The following PDE8A variants were observed in gnomAD, a reference collection of about 807,000 sequenced individuals.
PDE8A encodes high affinity cAMP-specific and IBMX-insensitive 3',5'-cyclic phosphodiesterase 8A.
In PDE8A, 59 loss-of-function variants were observed where a neutral mutation model predicts 105.0. That is an observed-to-expected ratio of 0.56 (90% CI 0.46 to 0.70). PDE8A has a LOEUF of 0.70. Among genes scored for constraint, PDE8A ranks in the 30% least tolerant of loss-of-function variants. The pLI is 0.00. For missense variants in PDE8A, 1,014 were observed against 1,045.9 expected (o/e 0.97, Z 0.42); for synonymous variants, 355 against 371.9 (o/e 0.95, Z 0.52).
chr15:85,100,831 A>T (rs1567285600), intron 11 of PDE8A, among the ~76,000 whole-genome samples: 1 of 152,206 alleles, frequency 6.6e-6, no homozygotes, highest in East Asian at 1.9e-4. Flanking sequence ...GTCTGTGTAG[A>T]CACTTGGCGT....
chr15:85,022,751 C>T (rs1171334980), intron 1 of PDE8A, among the ~76,000 whole-genome samples: 2 of 151,800 alleles, frequency 1.3e-5, no homozygotes, highest in Non-Finnish European at 2.9e-5. Flanking sequence ...CAGGGTTTCA[C>T]CATGTTGGCC....
intron 1 of PDE8A, among the ~76,000 whole-genome samples, chr15:85,043,256 G>A (rs1054575995): frequency 2.6e-5 from 4 of 152,218 alleles, no homozygotes; most frequent in Non-Finnish European, 5.9e-5. Context: ...TTAGAAGGGA[G>A]TTAAATAAAT....
chr15:85,137,826 C>T lies in PDE8A; in HGVS notation c.2413C>T (p.His805Tyr). The stretch of plus-strand genomic sequence containing the variant: ...TGTAGACCTGCCTGATTTAATGCAG[C>T]ATCTTGACAACAACTTTAAATACTG... ...AFVDLPDLMQ[H>Y]LDNNFKYWKG... The change falls in exon 22 of 22, where the codon CAT becomes TAT. Residue 805 changes from histidine (H) to tyrosine (Y), a missense_variant. Physicochemically the swap from His to Tyr is moderately conservative, Grantham distance 83. Coordinates refer to ENST00000394553, the MANE Select transcript of PDE8A (RefSeq NM_002605.3). The T allele has an allele frequency of 6.2e-7, 1 of 1,612,836 alleles. No homozygotes were observed. Among genetic ancestry groups the T allele is most frequent in the Non-Finnish European group, 8.5e-7 (1 of 1,178,804 alleles).
intron 1 of PDE8A, among the ~76,000 whole-genome samples, chr15:85,016,671 T>C (rs2080329783): frequency 6.6e-6 from 1 of 152,248 alleles, no homozygotes; most frequent in Admixed American, 6.5e-5. Context: ...AATTAGCTTG[T>C]CTAGCTGTGG....
At chr15:85,116,377 G>T in intron 16 of PDE8A, 1 of 456,618 alleles carries the variant, frequency 2.2e-6, no homozygotes, top group Non-Finnish European at 3.9e-6. Flanking sequence ...TTTTTTCTGT[G>T]AAATAAAGGT....
At chr15:85,134,543 A>C (rs201179004) in intron 20 of PDE8A, among the ~76,000 whole-genome samples, 1 of 42,986 alleles carries the variant, frequency 2.3e-5, no homozygotes, top group Non-Finnish European at 3.7e-5. Context: ...AGCGTTCCCC[A>C]CTCCTCTTAC....
intron 12 of PDE8A, among the ~76,000 whole-genome samples, chr15:85,111,448 G>A (rs775913849): frequency 2.6e-5 from 4 of 152,072 alleles, no homozygotes; most frequent in Non-Finnish European, 4.4e-5. Flanking sequence ...AATCCAACTC[G>A]TCTATCACCA....
chr15:85,030,699 C>A (rs543147446), intron 1 of PDE8A, among the ~76,000 whole-genome samples: 1 of 105,246 alleles, frequency 9.5e-6, no homozygotes, highest in East Asian at 2.9e-4. Context: ...TTCACACTTC[C>A]ATGCCTTTTT....
chr15:85,120,937 G>T lies in PDE8A; in HGVS notation c.1875G>T (p.Leu625=), dbSNP rs745876388. The T allele has an allele frequency of 6.8e-6, 11 of 1,613,992 alleles. No individual in the cohort carries two copies. The highest frequency in any genetic ancestry group is 9.3e-6 in the Non-Finnish European group (11 of 1,179,986). ...TTTTGTACAATGACACTGCTGTGCT[G>T]GAGAGCCACCATGCGGCCTTGGCCT... ...LAILYNDTAV[L]ESHHAALAFQ... Residue 625 remains leucine, a synonymous_variant, in exon 18 of 22, where the codon CTG becomes CTT. Coordinates refer to ENST00000394553, the MANE Select transcript of PDE8A (RefSeq NM_002605.3).
chr15:85,085,703 A>AT (rs377361939), intron 6 of PDE8A, among the ~76,000 whole-genome samples: 2 of 146,276 alleles, frequency 1.4e-5, no homozygotes, highest in Non-Finnish European at 3.0e-5. Context: ...ACTTGGATAT[A>AT]TTTAAGAATT....
In PDE8A at chr15:84,993,193, C is replaced by T. The variant is rs560289180; in HGVS notation, c.186+10845C>T. 4.5e-4 allele frequency among the ~76,000 whole-genome samples: 68 copies of T among 152,142 alleles called. 2 individuals carry two copies. The South Asian group carries it at 0.013, about 29-fold the overall frequency. On this transcript the variant is annotated intron_variant, in intron 1 of 21. Coordinates refer to ENST00000394553, the MANE Select transcript of PDE8A (RefSeq NM_002605.3). The stretch of plus-strand genomic sequence containing the variant: ...GCGTGGTGGCTCATGCCTGTAATCC[C>T]AGCACTTTGGGAGGCCAAGGCGGGC...
chr15:85,113,737 C>T (rs1242369814), intron 13 of PDE8A, 136 bp from the exon 14 acceptor site: 6 of 697,010 alleles, frequency 8.6e-6, no homozygotes, highest in Non-Finnish European at 1.4e-5. Flanking sequence ...CCAGGCTAGT[C>T]TCAAACTCCT....
chr15:85,057,710 C>T (rs2081084470), intron 1 of PDE8A, among the ~76,000 whole-genome samples: 1 of 152,062 alleles, frequency 6.6e-6, no homozygotes, highest in Non-Finnish European at 1.5e-5. Context: ...AGGTAGTTCC[C>T]TTCTATTTCT....
intron 1 of PDE8A, among the ~76,000 whole-genome samples, chr15:85,014,303 G>A (rs2080288167): frequency 1.3e-5 from 2 of 152,110 alleles, no homozygotes; most frequent in African/African-American, 2.4e-5. Flanking sequence ...CGGGCCACTA[G>A]TCCTGGCCAC....
At chr15:85,124,967 T>C (rs2082237614) in intron 19 of PDE8A, among the ~76,000 whole-genome samples, 1 of 152,146 alleles carries the variant, frequency 6.6e-6, no homozygotes, top group African/African-American at 2.4e-5. Context: ...AAAATCAATA[T>C]CCAGTGGGTC....
chr15:85,046,065 CTTTTTTTTTTT>C (rs34486009), intron 1 of PDE8A, among the ~76,000 whole-genome samples: 1 of 124,448 alleles, frequency 8.0e-6, no homozygotes, highest in African/African-American at 2.9e-5. Context: ...CTTTCTGTTT[CTTTTTTTTTTT>C]TTTTTTTTTA....
intron 17 of PDE8A, among the ~76,000 whole-genome samples, chr15:85,118,710 T>G (rs1385452530): frequency 1.3e-5 from 2 of 152,240 alleles, no homozygotes; most frequent in African/African-American, 2.4e-5. Context: ...CACTTTAGTT[T>G]CTGAAGCTTC....
chr15:85,121,633 AAAT>A (rs71138368), intron 18 of PDE8A, among the ~76,000 whole-genome samples: 33,611 of 151,844 alleles, frequency 0.22, 4,346 homozygotes, highest in East Asian at 0.48. Flanking sequence ...CCCTGTCTCA[AAAT>A]AATAATAACA....
Position 85,138,892 on chromosome 15 carries a change from T to C in PDE8A, c.*989T>C, listed in dbSNP as rs1008049358. 6.6e-6 allele frequency: 1 copy of C among 152,262 alleles called. No individual in the cohort carries two copies. The highest frequency in any genetic ancestry group is 2.4e-5 in the African/African-American group (1 of 41,482). The allele number at this position is 152,262 out of a possible 1,614,324, so 9.4% of individuals were successfully genotyped here. On this transcript the variant is annotated 3_prime_UTR_variant, in exon 22 of 22. Transcript: ENST00000394553. ...TTATACTGTTTCTACAAAATATTCC[T>C]TATAAAAACAAAGAACAAAAATTGA...
Sources: gnomAD v4.1 joint callset for allele counts (sites outside exome capture counted in the v4.1 genomes callset) on GRCh38, gnomAD v4.1.1 for gene constraint, MANE v1.5 for transcripts, NCBI Gene and HGNC (gene_info 2026-07-23, HGNC 2026-07-21) for gene names.